MASTL: variants seen among roughly 807,000 people sequenced by gnomAD.
MASTL encodes the protein serine/threonine-protein kinase greatwall.
MASTL carries 54 observed loss-of-function variants against 82.5 expected under a neutral mutation model. That is an observed-to-expected ratio of 0.65 (90% CI 0.53 to 0.82). The LOEUF (loss-of-function observed/expected upper bound fraction) is 0.82. MASTL is among the 40% of genes least tolerant of loss of function. MASTL has a pLI of 0.00. For synonymous variants in MASTL, 323 were observed against 368.9 expected, an observed-to-expected ratio of 0.88 and a Z score of 1.43; for missense variants, 950 against 1,047.8, an observed-to-expected ratio of 0.91 and a Z score of 1.29.
intron 1 of MASTL, among the ~76,000 whole-genome samples, chr10:27,156,574 C>T (rs1234214035): frequency 6.6e-6 from 1 of 152,096 alleles, no homozygotes. Context: ...GTCTCGGCTC[C>T]CTGCAGCCTC....
At chr10:27,158,970 C>A (rs1416791263) in intron 2 of MASTL, among the ~76,000 whole-genome samples, 1 of 152,210 alleles carries the variant, frequency 6.6e-6, no homozygotes, top group Non-Finnish European at 1.5e-5. Flanking sequence ...GAGGCTGAGA[C>A]AGAAAGATCA....
chr10:27,174,411 C>T (rs768678661), intron 9 of MASTL, among the ~76,000 whole-genome samples: 2 of 151,980 alleles, frequency 1.3e-5, no homozygotes, highest in African/African-American at 2.4e-5. Context: ...TCTTTTCTTC[C>T]CTTTCTCTCT....
chr10:27,186,496 A>G lies in MASTL; in HGVS notation c.2600A>G (p.Asn867Ser), dbSNP rs1315699298. Residue 867 changes from asparagine (N) to serine (S), a missense_variant, in exon 12 of 12, where the codon AAT (asparagine) becomes AGT (serine). Asn to Ser is a conservative substitution (Grantham distance 46). Coordinates refer to ENST00000375940, the MANE Select transcript of MASTL (RefSeq NM_001172303.3). The part of the protein sequence containing the change: ...ETDTSYFEAR[N>S]TAQHLTVSGF... ...GATACCTCCTATTTTGAAGCCAGGAATACTGCTCAGCACCTGACTGTATCT... is the reference window on the plus strand; with the variant it reads ...GATACCTCCTATTTTGAAGCCAGGAGTACTGCTCAGCACCTGACTGTATCT... The G allele has an allele frequency of 6.2e-7, 1 of 1,614,162 alleles. No individual in the cohort carries two copies. The highest frequency in any genetic ancestry group is 2.2e-5 in the East Asian group (1 of 44,872).
intron 9 of MASTL, among the ~76,000 whole-genome samples, chr10:27,175,766 A>G (rs972137714): frequency 1.3e-5 from 2 of 152,114 alleles, no homozygotes; most frequent in African/African-American, 2.4e-5. Flanking sequence ...CTGGCTATTC[A>G]GTATTCTACT....
chr10:27,186,808 T>A lies in MASTL; in HGVS notation c.*272T>A, dbSNP rs2058786543. 2.3e-6 allele frequency: 1 copy of A among 428,966 alleles called. No individual in the cohort carries two copies. Among genetic ancestry groups the A allele is most frequent in the Non-Finnish European group, 4.3e-6 (1 of 232,968 alleles). The allele number at this position is 428,966 out of a possible 1,614,324, so 26.6% of individuals were successfully genotyped here. A position where few individuals can be genotyped will look rare whatever the true frequency, so the allele number is the denominator to read the frequency against. ...CACTTTATGAAAACTGAAGCATCAA[T>A]AAAATTAGAGGACACTATTGAGAGT... On this transcript the variant is annotated 3_prime_UTR_variant, in exon 12 of 12. Transcript: ENST00000375940.
rs934086244 is a variant in MASTL at position 27,187,440 on chromosome 10, C to A, written c.*904C>A. Among the ~76,000 whole-genome samples the A allele has an allele frequency of 2.0e-5, 3 of 152,116 alleles. No homozygotes were observed. Among genetic ancestry groups the A allele is most frequent in the African/African-American group, 7.2e-5 (3 of 41,432 alleles). On this transcript the variant is annotated 3_prime_UTR_variant, in exon 12 of 12. Transcript: ENST00000375940. ...TTAATTTCTATTGGTGCGTAGTCCA[C>A]AATATGTATTTGTTTAAAATGGTAC...
chr10:27,163,606 A>G (rs1169844013), intron 4 of MASTL, among the ~76,000 whole-genome samples: 1 of 150,020 alleles, frequency 6.7e-6, no homozygotes, highest in Non-Finnish European at 1.5e-5. Flanking sequence ...GTATACTTTC[A>G]TTTATTTACT....
intron 1 of MASTL, 55 bp downstream of exon 1, chr10:27,155,667 G>T: frequency 1.3e-6 from 2 of 1,597,750 alleles, no homozygotes; most frequent in East Asian, 2.2e-5. Context: ...CCTCCTTCCT[G>T]CCCCACCGGC....
chr10:27,164,289 G>A (rs1318042095), intron 4 of MASTL, among the ~76,000 whole-genome samples: 1 of 152,184 alleles, frequency 6.6e-6, no homozygotes, highest in Non-Finnish European at 1.5e-5. Flanking sequence ...GACTACAGGT[G>A]CTTGCCACAA....
chr10:27,187,294 C>T lies in MASTL; in HGVS notation c.*758C>T, dbSNP rs139667698. On this transcript the variant is annotated 3_prime_UTR_variant, in exon 12 of 12. Transcript: ENST00000375940. ...CAGCCTGGGCAACAGAACAAGACTC[C>T]GTCTCAAAAAAATAAAGGCAGCTGG... Among the ~76,000 whole-genome samples, 558 of 149,596 alleles carry T rather than the reference C, an allele frequency of 3.7e-3. 2 individuals carry two copies. The highest frequency in any genetic ancestry group is 0.013 in the African/African-American group (514 of 40,750).
At chr10:27,160,200 G>T (rs959016636) in intron 3 of MASTL, among the ~76,000 whole-genome samples, 58 of 102,642 alleles carry the variant, frequency 5.7e-4, no homozygotes, top group Non-Finnish European at 8.5e-4. Context: ...TAGAGACAAG[G>T]TTCCCAGGCT....
rs144174245 is a variant in MASTL, at chr10:27,173,210, A to G, written c.2217A>G (p.Leu739=). ...GVAPVDDGRI[L]GTPDYLAPEL... ...CCCCCGTTGATGATGGGCGAATTCT[A>G]GGAACCCCAGACTACCTTGCACCTG... is the stretch of plus-strand genomic sequence containing the variant. Residue 739 remains leucine, a synonymous_variant, in exon 9 of 12, where the codon CTA becomes CTG. Transcript: ENST00000375940. 5.1e-5 allele frequency: 83 copies of G among 1,614,196 alleles called. No individual in the cohort carries two copies. In the African/African-American group the frequency reaches 5.9e-4, roughly 11 times the overall value.
At chr10:27,168,772 A>G (rs528699651) in intron 7 of MASTL, among the ~76,000 whole-genome samples, 9 of 152,286 alleles carry the variant, frequency 5.9e-5, no homozygotes, top group African/African-American at 2.2e-4. Context: ...AGCGGACATC[A>G]TGCCTCCAGA....
chr10:27,186,301 C>T, intron 11 of MASTL, 78 bp from the exon 12 acceptor site: 1 of 1,390,958 alleles, frequency 7.2e-7, no homozygotes, highest in Non-Finnish European at 1.0e-6. Context: ...GAGACATTCT[C>T]TTTTTATAAT....
At chr10:27,176,606 A>G (rs1588710464) in intron 9 of MASTL, among the ~76,000 whole-genome samples, 1 of 152,280 alleles carries the variant, frequency 6.6e-6, no homozygotes, top group African/African-American at 2.4e-5. Context: ...ACCTTATTTG[A>G]GCAAAGCCAG....
chr10:27,164,817 T>C (rs1588668825), intron 4 of MASTL, among the ~76,000 whole-genome samples: 1 of 151,910 alleles, frequency 6.6e-6, no homozygotes, highest in African/African-American at 2.4e-5. Context: ...TTTGTATTTT[T>C]AGTAGAGACA....
Position 27,158,630 on chromosome 10 carries a change from AG to A in MASTL, c.269del (p.Ser90ThrfsTer20). Reference sequence around the variant, plus strand: ...GAGAGATGCACTGGCACTAAGCAAAAGCCCATTCATTGTCCATTTGTATTAT... The same window carrying A: ...GAGAGATGCACTGGCACTAAGCAAAACCCATTCATTGTCCATTTGTATTAT... ...AERDALALSK[S>X]PFIVHLYYSL... On this transcript the variant is annotated frameshift_variant, in exon 2 of 12. Coordinates refer to ENST00000375940, the MANE Select transcript of MASTL (RefSeq NM_001172303.3). LOFTEE classifies it high-confidence loss of function. 1.9e-6 allele frequency: 3 copies of A among 1,613,892 alleles called. No individual in the cohort carries two copies. The highest frequency in any genetic ancestry group is 8.5e-7 in the Non-Finnish European group (1 of 1,179,724).
At chr10:27,155,797 C>T (rs1315184851) in intron 1 of MASTL, among the ~76,000 whole-genome samples, 185 bp downstream of exon 1, 1 of 152,196 alleles carries the variant, frequency 6.6e-6, no homozygotes, top group East Asian at 1.9e-4. Flanking sequence ...TCGGGTGTCT[C>T]GCCTCTGTTC....
intron 5 of MASTL, 56 bp from the exon 6 acceptor site, chr10:27,165,333 T>TA: frequency 6.4e-7 from 1 of 1,566,542 alleles, no homozygotes; most frequent in Non-Finnish European, 8.8e-7. Flanking sequence ...TCTATGTACT[T>TA]AGGTGGTGTT....
Sources: gnomAD v4.1 joint callset for allele counts (sites outside exome capture counted in the v4.1 genomes callset) on GRCh38, gnomAD v4.1.1 for gene constraint, MANE v1.5 for transcripts, NCBI Gene and HGNC (gene_info 2026-07-23, HGNC 2026-07-21) for gene names.